IL1RAPL2: variants seen among roughly 807,000 people sequenced by gnomAD.
IL1RAPL2 encodes X-linked interleukin-1 receptor accessory protein-like 2.
IL1RAPL2 carries 3 observed loss-of-function variants against 44.1 expected under a neutral mutation model. That is an observed-to-expected ratio of 0.07 (90% CI 0.03 to 0.18). The LOEUF (loss-of-function observed/expected upper bound fraction) is 0.18. IL1RAPL2 is among the 10% of genes least tolerant of loss of function. The probability of loss-of-function intolerance (pLI) is 1.00; values close to 1 mark genes in which losing one functional copy is unlikely to be tolerated. For missense variants in IL1RAPL2, 391 were observed against 496.4 expected (o/e 0.79, Z 2.02); for synonymous variants, 181 against 178.8 (o/e 1.01, Z -0.10).
At chrX:105,583,030 A>G (rs2037099895) in intron 6 of IL1RAPL2, among the ~76,000 whole-genome samples, 1 of 111,508 alleles carries the variant, frequency 9.0e-6, no homozygotes, top group Admixed American at 9.6e-5. Flanking sequence ...GAATTTGAAC[A>G]TAATTGGTAT....
intron 2 of IL1RAPL2, among the ~76,000 whole-genome samples, chrX:104,915,248 G>GA (rs1357420721): frequency 1.8e-5 from 2 of 110,599 alleles, no homozygotes; most frequent in Non-Finnish European, 3.8e-5. Flanking sequence ...ACTTTTTAAT[G>GA]ATCGCCATTC....
chrX:104,930,966 C>A (rs1371504974), intron 2 of IL1RAPL2, among the ~76,000 whole-genome samples: 1 of 111,115 alleles, frequency 9.0e-6, no homozygotes, highest in Non-Finnish European at 1.9e-5. Flanking sequence ...CCATACTGTA[C>A]CAATAAAGGA....
chrX:104,858,554 T>C (rs948055527), intron 2 of IL1RAPL2, among the ~76,000 whole-genome samples: 1 of 112,146 alleles, frequency 8.9e-6, no homozygotes, highest in Non-Finnish European at 1.9e-5. Context: ...AAAATTGATA[T>C]GCATTTACTC....
chrX:104,611,123 G>A (rs1391272730), intron 1 of IL1RAPL2, among the ~76,000 whole-genome samples: 1 of 111,603 alleles, frequency 9.0e-6, no homozygotes, highest in African/African-American at 3.3e-5. Flanking sequence ...TCTAAGTCAG[G>A]GTATACGGGG....
intron 2 of IL1RAPL2, among the ~76,000 whole-genome samples, chrX:105,068,286 G>A (rs1451343153): frequency 9.0e-6 from 1 of 111,453 alleles, no homozygotes. Context: ...CCATAGTGAT[G>A]TGTCAACCTT....
intron 5 of IL1RAPL2, among the ~76,000 whole-genome samples, chrX:105,414,248 C>G (rs1453085905): frequency 9.0e-6 from 1 of 110,871 alleles, no homozygotes; most frequent in Non-Finnish European, 1.9e-5. Context: ...CTGCCTCAGC[C>G]TCCCGAGTAG....
At chrX:104,708,392 C>T (rs1602690433) in intron 2 of IL1RAPL2, among the ~76,000 whole-genome samples, 1 of 110,690 alleles carries the variant, frequency 9.0e-6, no homozygotes, top group South Asian at 3.8e-4. Context: ...GCAGAGCCAC[C>T]TGCTTTCTAA....
intron 6 of IL1RAPL2, among the ~76,000 whole-genome samples, chrX:105,619,671 G>A (rs768253194): frequency 4.5e-5 from 5 of 111,241 alleles, no homozygotes; most frequent in Non-Finnish European, 9.4e-5. Context: ...TTGTCCAGGA[G>A]AGAGATGATG....
chrX:105,367,839 T>C (rs1019450806), intron 5 of IL1RAPL2, among the ~76,000 whole-genome samples: 3 of 112,011 alleles, frequency 2.7e-5, no homozygotes, highest in African/African-American at 9.7e-5. Flanking sequence ...CAGTCAGTTT[T>C]ATTTTTTCAT....
At chrX:104,890,279 G>T (rs1256673804) in intron 2 of IL1RAPL2, among the ~76,000 whole-genome samples, 1 of 111,864 alleles carries the variant, frequency 8.9e-6, no homozygotes, top group East Asian at 2.8e-4. Flanking sequence ...TATCTTTATA[G>T]CAGCATGATT....
At chrX:104,810,268 G>C (rs943583107) in intron 2 of IL1RAPL2, among the ~76,000 whole-genome samples, 8 of 110,367 alleles carry the variant, frequency 7.2e-5, no homozygotes, top group Non-Finnish European at 1.5e-4. Context: ...CTGTTGTGGG[G>C]TGAGGGGAAG....
rs890604854 is a variant in IL1RAPL2, at chrX:105,062,002, A to G, written c.83-133473A>G. ...CAGCCACTCTATATCTTTTGATTGGAGAGTTTAGTCTATTTACAATCAATG... is the reference window on the plus strand; with the variant it reads ...CAGCCACTCTATATCTTTTGATTGGGGAGTTTAGTCTATTTACAATCAATG... On this transcript the variant is annotated intron_variant, in intron 2 of 10. Transcript: ENST00000372582. Among the ~76,000 whole-genome samples, 3 of 111,421 alleles carry G rather than the reference A, an allele frequency of 2.7e-5. No homozygotes were observed. In the Admixed American group the frequency reaches 2.9e-4, roughly 11 times the overall value.
At chrX:104,765,071 A>AT (rs748709069) in intron 2 of IL1RAPL2, among the ~76,000 whole-genome samples, 13 of 112,145 alleles carry the variant, frequency 1.2e-4, no homozygotes, top group African/African-American at 3.9e-4. Context: ...CATAGAATGA[A>AT]TTTGGAAGTA....
chrX:105,340,127 C>T (rs2035059759), intron 5 of IL1RAPL2, among the ~76,000 whole-genome samples: 1 of 111,603 alleles, frequency 9.0e-6, no homozygotes, highest in Non-Finnish European at 1.9e-5. Flanking sequence ...TAATAAACAC[C>T]TCAAATGTAA....
intron 1 of IL1RAPL2, among the ~76,000 whole-genome samples, chrX:104,596,223 T>G (rs1220320834): frequency 8.9e-6 from 1 of 111,899 alleles, no homozygotes; most frequent in Non-Finnish European, 1.9e-5. Context: ...AATAGTATTT[T>G]AACTCATTTG....
intron 2 of IL1RAPL2, among the ~76,000 whole-genome samples, chrX:104,828,006 A>G (rs1921503138): frequency 9.0e-6 from 1 of 111,417 alleles, no homozygotes; most frequent in African/African-American, 3.3e-5. Context: ...TAAACTGTTT[A>G]TTCTAGTTAG....
chrX:105,053,505 C>T (rs1235102216), intron 2 of IL1RAPL2, among the ~76,000 whole-genome samples: 1 of 111,488 alleles, frequency 9.0e-6, no homozygotes, highest in Non-Finnish European at 1.9e-5. Flanking sequence ...GATTACATAA[C>T]TTGCCCAAAT....
intron 2 of IL1RAPL2, among the ~76,000 whole-genome samples, chrX:104,903,917 G>A (rs1392218500): frequency 2.7e-5 from 3 of 111,491 alleles, no homozygotes; most frequent in Non-Finnish European, 5.6e-5. Flanking sequence ...ATAAATTACA[G>A]AAGGGATAAG....
At chrX:105,675,131 T>C (rs2037859431) in intron 6 of IL1RAPL2, among the ~76,000 whole-genome samples, 1 of 111,260 alleles carries the variant, frequency 9.0e-6, no homozygotes, top group African/African-American at 3.3e-5. Context: ...ATTTCCTCCC[T>C]TCCGATTTGA....
Sources: allele counts gnomAD v4.1 joint callset (sites outside exome capture counted in the v4.1 genomes callset), GRCh38; gene constraint gnomAD v4.1.1; transcripts MANE v1.5; gene names NCBI Gene and HGNC (gene_info 2026-07-23, HGNC 2026-07-21).